The following ZDHHC14 variants were observed in gnomAD, a reference collection of about 807,000 sequenced individuals.
ZDHHC14 encodes zDHHC palmitoyltransferase 14, also known as palmitoyltransferase ZDHHC14.
In ZDHHC14, 16 loss-of-function variants were observed where a neutral mutation model predicts 47.7. The observed-to-expected ratio is 0.34, with a 90% confidence interval of 0.23 to 0.51. The LOEUF is 0.51. ZDHHC14 is among the 20% of genes least tolerant of loss of function. The pLI is 0.97. For synonymous variants in ZDHHC14, 293 were observed against 278.9 expected, an observed-to-expected ratio of 1.05 and a Z score of -0.50; for missense variants, 515 against 662.5, an observed-to-expected ratio of 0.78 and a Z score of 2.44.
chr6:157,522,566 A>C (rs1334107566), intron 1 of ZDHHC14, among the ~76,000 whole-genome samples: 1 of 152,082 alleles, frequency 6.6e-6, no homozygotes, highest in African/African-American at 2.4e-5. Flanking sequence ...AGGAAACAGA[A>C]AGCACAGCAA....
chr6:157,468,682 G>A (rs1779280969), intron 1 of ZDHHC14, among the ~76,000 whole-genome samples: 1 of 152,190 alleles, frequency 6.6e-6, no homozygotes, highest in South Asian at 2.1e-4. Flanking sequence ...TTTCATTGGA[G>A]GAGTAATGCT....
At chr6:157,432,533 A>T (rs1329174218) in intron 1 of ZDHHC14, among the ~76,000 whole-genome samples, 2 of 152,146 alleles carry the variant, frequency 1.3e-5, no homozygotes, top group Admixed American at 6.5e-5. Context: ...GCCTGCCATC[A>T]CTGTCTTCCG....
At chr6:157,662,074 A>G (rs1778365756) in intron 8 of ZDHHC14, among the ~76,000 whole-genome samples, 1 of 152,226 alleles carries the variant, frequency 6.6e-6, no homozygotes, top group Admixed American at 6.5e-5. Context: ...TTGTCCCCAG[A>G]CATGGCACAC....
rs1340723244 is a variant in ZDHHC14 at position 157,536,842 on chromosome 6, A to G, written c.246-5743A>G. On this transcript the variant is annotated intron_variant, in intron 1 of 8. Transcript: ENST00000359775. ...ATCTTTTTTTTTTTTTTTTTGAGAC[A>G]GAGTCTCGCTCTGTCGCCCAGGCTG... Among the ~76,000 whole-genome samples the G allele has an allele frequency of 8.6e-5, 6 of 69,920 alleles. 2 individuals carry two copies. Among genetic ancestry groups the G allele is most frequent in the African/African-American group, 1.5e-4 (1 of 6,576 alleles). 45.9% of individuals were successfully genotyped at this position (69,920 alleles called of 152,430 possible).
At chr6:157,649,883 C>T (rs56233741) in intron 7 of ZDHHC14, among the ~76,000 whole-genome samples, 23,535 of 152,118 alleles carry the variant, frequency 0.15, 1,999 homozygotes, top group Admixed American at 0.23. Context: ...TGGGCTGGTT[C>T]TGTGGGTCAT....
chr6:157,481,415 C>T (rs1011383168), intron 1 of ZDHHC14, among the ~76,000 whole-genome samples: 1 of 149,714 alleles, frequency 6.7e-6, no homozygotes, highest in South Asian at 2.1e-4. Flanking sequence ...TGAGGTGATG[C>T]GACTGGTTGT....
chr6:157,439,179 T>G (rs1157896424), intron 1 of ZDHHC14, among the ~76,000 whole-genome samples: 1 of 152,228 alleles, frequency 6.6e-6, no homozygotes, highest in Admixed American at 6.5e-5. Context: ...CGTTCTTCAT[T>G]TTCAAAACAT....
chr6:157,537,171 G>T (rs896997647), intron 1 of ZDHHC14, among the ~76,000 whole-genome samples: 1 of 152,208 alleles, frequency 6.6e-6, no homozygotes, highest in African/African-American at 2.4e-5. Flanking sequence ...GCAGAGGAAG[G>T]ATGCACTCTG....
At chr6:157,631,729 A>C (rs2114958433) in intron 4 of ZDHHC14, 1 of 152,370 alleles carries the variant, frequency 6.6e-6, no homozygotes, top group African/African-American at 2.4e-5. Context: ...GGTGCAGTAG[A>C]CAAACAGAAA....
chr6:157,409,111 G>C (rs1382777903), intron 1 of ZDHHC14, among the ~76,000 whole-genome samples: 3 of 152,246 alleles, frequency 2.0e-5, no homozygotes, highest in African/African-American at 7.2e-5. Flanking sequence ...GCCCTAACGA[G>C]CTGCAAGGAC....
At chr6:157,599,484 G>A (rs944344556) in intron 3 of ZDHHC14, among the ~76,000 whole-genome samples, 5 of 152,224 alleles carry the variant, frequency 3.3e-5, no homozygotes, top group South Asian at 2.1e-4. Flanking sequence ...ACAGCCAGGC[G>A]AAGGTGGCGA....
rs139536823 is a variant in ZDHHC14 at position 157,548,241 on chromosome 6, C to A, written c.406+5496C>A. 7.9e-5 allele frequency among the ~76,000 whole-genome samples: 12 copies of A among 152,236 alleles called. No individual in the cohort carries two copies. The East Asian group carries it at 2.3e-3, about 29-fold the overall frequency. ...ATTCATATTTGCATCTTTTTACTCA[C>A]CTCCAATATCACCACAATTCATGCT... On this transcript the variant is annotated intron_variant, in intron 2 of 8. Transcript: ENST00000359775.
chr6:157,651,711 G>A (rs1219409758), intron 7 of ZDHHC14, among the ~76,000 whole-genome samples: 1 of 152,182 alleles, frequency 6.6e-6, no homozygotes, highest in Non-Finnish European at 1.5e-5. Context: ...TGGGGTTACA[G>A]GCATGTGCCA....
intron 1 of ZDHHC14, among the ~76,000 whole-genome samples, chr6:157,496,838 G>A (rs1054735919): frequency 3.6e-4 from 55 of 152,184 alleles, no homozygotes; most frequent in African/African-American, 1.3e-3. Flanking sequence ...TACACACGCC[G>A]ACCTGCATGA....
chr6:157,581,308 T>A (rs1353321813), intron 2 of ZDHHC14, among the ~76,000 whole-genome samples: 1 of 151,924 alleles, frequency 6.6e-6, no homozygotes, highest in Non-Finnish European at 1.5e-5. Flanking sequence ...GTTTTTTTTT[T>A]TTAATTTGCT....
At chr6:157,450,998 TTGTGTG>T (rs34066002) in intron 1 of ZDHHC14, among the ~76,000 whole-genome samples, 25 of 147,630 alleles carry the variant, frequency 1.7e-4, no homozygotes, top group South Asian at 6.5e-4. Flanking sequence ...AAGTCTGGTC[TTGTGTG>T]TGTGTGTGTG....
At chr6:157,601,795 T>A in intron 3 of ZDHHC14, among the ~76,000 whole-genome samples, 1 of 152,228 alleles carries the variant, frequency 6.6e-6, no homozygotes, top group East Asian at 1.9e-4. Flanking sequence ...TGCATGTGTG[T>A]AAGTGATTTC....
chr6:157,650,131 CT>C (rs1777756691), intron 7 of ZDHHC14, among the ~76,000 whole-genome samples: 1 of 152,114 alleles, frequency 6.6e-6, no homozygotes, highest in African/African-American at 2.4e-5. Flanking sequence ...GAGGGGCCAG[CT>C]TCTGGGCAGC....
chr6:157,587,080 C>T (rs1245765383), intron 2 of ZDHHC14, among the ~76,000 whole-genome samples: 5 of 152,192 alleles, frequency 3.3e-5, no homozygotes, highest in Non-Finnish European at 7.3e-5. Flanking sequence ...AAAATATTCA[C>T]CTTCACAATT....
Sources: gnomAD v4.1 joint callset for allele counts (sites outside exome capture counted in the v4.1 genomes callset) on GRCh38, gnomAD v4.1.1 for gene constraint, MANE v1.5 for transcripts, NCBI Gene and HGNC (gene_info 2026-07-23, HGNC 2026-07-21) for gene names.